Variants in TSPEAR observed in about 807,000 individuals in gnomAD.
The protein encoded by TSPEAR is thrombospondin type laminin G domain and EAR repeats, also known as thrombospondin-type laminin G domain and EAR repeat-containing protein.
A neutral mutation model predicts 71.6 loss-of-function variants in TSPEAR; 69 were observed. The observed-to-expected ratio is 0.96, with a 90% CI of 0.79 to 1.18. TSPEAR has a LOEUF of 1.18. TSPEAR is among the 50% of genes most tolerant of loss of function. TSPEAR has a pLI of 0.00. For synonymous variants in TSPEAR, 402 were observed against 387.2 expected (o/e 1.04, Z -0.45); for missense variants, 971 against 894.9 (o/e 1.09, Z -1.09).
chr21:44,618,207 G>A (rs1244793940), intron 1 of TSPEAR, among the ~76,000 whole-genome samples: 1 of 152,206 alleles, frequency 6.6e-6, no homozygotes, highest in Non-Finnish European at 1.5e-5. Context: ...GTGATAGTGA[G>A]TTCTCACCAG....
intron 2 of TSPEAR, among the ~76,000 whole-genome samples, chr21:44,559,486 T>C (rs1284842045): frequency 3.3e-5 from 5 of 152,104 alleles, no homozygotes; most frequent in Non-Finnish European, 7.4e-5. Flanking sequence ...CCCGGTGGTG[T>C]GCACAATAGT....
At chr21:44,592,718 G>C (rs1980072077) in intron 1 of TSPEAR, among the ~76,000 whole-genome samples, 2 of 152,158 alleles carry the variant, frequency 1.3e-5, no homozygotes, top group Admixed American at 1.3e-4. Flanking sequence ...CTGGCGGCAG[G>C]AATTGGGCGG....
At chr21:44,553,957 C>T (rs150301852) in intron 2 of TSPEAR, among the ~76,000 whole-genome samples, 15 of 152,304 alleles carry the variant, frequency 9.8e-5, no homozygotes, top group African/African-American at 3.1e-4. Flanking sequence ...AAGATAACAG[C>T]GATGTATTTT....
chr21:44,551,138 A>C, intron 2 of TSPEAR: 1 of 1,556,296 alleles, frequency 6.4e-7, no homozygotes, highest in South Asian at 1.1e-5. Flanking sequence ...CACAGCACAC[A>C]GGCTTGCAGC....
rs373720761 is a variant in TSPEAR, at chr21:44,600,846, C to T, written c.83-32841G>A. 1.9e-4 allele frequency: 300 copies of T among 1,609,120 alleles called. 8 individuals are homozygous for T. The highest frequency in any genetic ancestry group is 2.4e-4 in the Non-Finnish European group (282 of 1,179,662). ...GCTGCCGAGTGACCTGTGAGCCCAG[C>T]CCCTGCCAATCAGGCTGCACCAGCT... On this transcript the variant is annotated intron_variant, in intron 1 of 11. Transcript: ENST00000323084.
Position 44,663,914 on chromosome 21 carries a change from C to G in TSPEAR, c.82+47519G>C, listed in dbSNP as rs1044951817. 2.0e-5 allele frequency among the ~76,000 whole-genome samples: 3 copies of G among 152,012 alleles called. No homozygotes were observed. In the East Asian group the frequency reaches 5.8e-4, roughly 29 times the overall value. On this transcript the variant is annotated intron_variant, in intron 1 of 11. Transcript: ENST00000323084. ...AAAGGCTTTTGACAAAATTCAACAT[C>G]CATTCAGAATAAAAACTGCTAGCAA... is the stretch of plus-strand genomic sequence containing the variant.
At chr21:44,677,120 C>T (rs781998937) in intron 1 of TSPEAR, 1 of 715,040 alleles carries the variant, frequency 1.4e-6, no homozygotes, top group Non-Finnish European at 2.6e-6. Context: ...TTTTTGACCA[C>T]ATTATCCAGA....
At chr21:44,551,443 T>C (rs782441620) in intron 2 of TSPEAR, 4 of 1,611,108 alleles carry the variant, frequency 2.5e-6, no homozygotes, top group Non-Finnish European at 3.4e-6. Flanking sequence ...CAGATGGACA[T>C]GGTGGAGGCG....
intron 11 of TSPEAR, among the ~76,000 whole-genome samples, chr21:44,504,142 CACAGTGGGGAAGCAAG>C: frequency 6.9e-6 from 1 of 144,636 alleles, no homozygotes; most frequent in East Asian, 2.1e-4. Context: ...TCAGTGAGCC[CACAGTGGGGAAGCAAG>C]TCTCTTGGAG....
Position 44,666,834 on chromosome 21 carries a change from C to T in TSPEAR, c.82+44599G>A, listed in dbSNP as rs143686476. The stretch of plus-strand genomic sequence containing the variant: ...CACACAACAGGCTGGCTGGCAGGGG[C>T]TGGGCGCGCAGCAGGCTGGCTGGCA... On this transcript the variant is annotated intron_variant, in intron 1 of 11. Coordinates refer to ENST00000323084, the MANE Select transcript of TSPEAR (RefSeq NM_144991.3). 1,871 of 1,609,460 alleles carry T rather than the reference C, an allele frequency of 1.2e-3. 11 individuals carry two copies. The highest frequency in any genetic ancestry group is 9.7e-3 in the Middle Eastern group (59 of 6,052).
chr21:44,667,992 C>G lies in TSPEAR; in HGVS notation c.82+43441G>C, dbSNP rs1601547593. Among the ~76,000 whole-genome samples the G allele has an allele frequency of 1.3e-5, 2 of 152,092 alleles. 1 individual carries two copies. The highest frequency in any genetic ancestry group is 4.8e-5 in the African/African-American group (2 of 41,402). On this transcript the variant is annotated intron_variant, in intron 1 of 11. Transcript: ENST00000323084. ...TGGTGAAAAACTGAAGGCTTTTTCT[C>G]TAATATTGGGAACAAAGCCAGCATA...
At position 44,531,112 on chromosome 21, in the gene TSPEAR, T is replaced by C. The variant is rs782039513; in HGVS notation, c.564A>G (p.Pro188=). ...GAGCTCCTTTCACTGACAGGGTGGC[T>C]GGGAAGGGCACATCGGCCATTCTGA... ...PVDIMADVPF[P]ATLSVKGARF... is the part of the protein sequence containing the mutation. The change falls in exon 4 of 12, where the codon CCA becomes CCG. Residue 188 remains proline, a synonymous_variant. Coordinates refer to ENST00000323084, the MANE Select transcript of TSPEAR (RefSeq NM_144991.3). 2.5e-6 allele frequency: 4 copies of C among 1,613,814 alleles called. No individual in the cohort carries two copies. The highest frequency in any genetic ancestry group is 2.5e-6 in the Non-Finnish European group (3 of 1,179,962).
chr21:44,692,451 T>C (rs1453258025), intron 1 of TSPEAR, among the ~76,000 whole-genome samples: 4 of 152,156 alleles, frequency 2.6e-5, no homozygotes, highest in South Asian at 2.1e-4. Context: ...ATCATGTCTA[T>C]AGAAAATCCC....
In TSPEAR at chr21:44,626,445, C is replaced by T. The variant is rs144845999; in HGVS notation, c.83-58440G>A. On this transcript the variant is annotated intron_variant, in intron 1 of 11. Coordinates refer to ENST00000323084, the MANE Select transcript of TSPEAR (RefSeq NM_144991.3). ...TGGCTCCAGCAGTGGCGAGGGCTGG[C>T]GGCTGCCTGCTGCCTAGCACAGCTA... 4.7e-3 allele frequency among the ~76,000 whole-genome samples: 719 copies of T among 152,314 alleles called. 4 individuals are homozygous for T. The highest frequency in any genetic ancestry group is 0.016 in the African/African-American group (649 of 41,572).
intron 1 of TSPEAR, chr21:44,574,064 C>T: frequency 6.2e-7 from 1 of 1,613,164 alleles, no homozygotes; most frequent in Non-Finnish European, 8.5e-7. Context: ...GCTGTGCCTC[C>T]TCCCCCTGCC....
intron 1 of TSPEAR, chr21:44,647,790 G>A (rs149753027): frequency 1.3e-3 from 311 of 230,926 alleles, no homozygotes; most frequent in African/African-American, 6.5e-3. Context: ...AAGACAGCAG[G>A]CTTTGAAAGC....
At chr21:44,549,685 C>A (rs1276213902) in intron 2 of TSPEAR, among the ~76,000 whole-genome samples, 2 of 152,230 alleles carry the variant, frequency 1.3e-5, no homozygotes, top group Non-Finnish European at 2.9e-5. Flanking sequence ...CTGTTTGAAA[C>A]CACATCTGGC....
intron 11 of TSPEAR, among the ~76,000 whole-genome samples, chr21:44,503,610 G>T (rs1555911450): frequency 7.2e-6 from 1 of 138,600 alleles, no homozygotes; most frequent in Non-Finnish European, 1.5e-5. Flanking sequence ...GGGAAGCAAG[G>T]CGCTGGGAGG....
intron 1 of TSPEAR, chr21:44,627,786 T>C (rs1555934833): frequency 3.1e-6 from 5 of 1,598,986 alleles, no homozygotes; most frequent in Non-Finnish European, 4.3e-6. Context: ...GCTCTGGGGC[T>C]TCCTCTTTGT....
Sources: allele counts gnomAD v4.1 joint callset (sites outside exome capture counted in the v4.1 genomes callset), GRCh38; gene constraint gnomAD v4.1.1; transcripts MANE v1.5; gene names NCBI Gene and HGNC (gene_info 2026-07-23, HGNC 2026-07-21).